The following SAMSN1 variants were observed in gnomAD, a reference collection of about 807,000 sequenced individuals.
The protein encoded by SAMSN1 is SAM domain, SH3 domain and nuclear localization signals 1.
Under a neutral mutation model 42.0 loss-of-function variants are expected in SAMSN1, and 31 were observed. That is an observed-to-expected ratio of 0.74 (90% CI 0.55 to 1.00). The LOEUF (loss-of-function observed/expected upper bound fraction) is 1.00, where lower values mean the gene tolerates loss of function less well. Ranked by LOEUF, SAMSN1 falls within the 50% of genes least tolerant of loss-of-function variation. The pLI, the probability that SAMSN1 is intolerant of heterozygous loss-of-function variation, is 0.00. For synonymous variants in SAMSN1, 178 were observed against 151.9 expected, an observed-to-expected ratio of 1.17 and a Z score of -1.26; for missense variants, 464 against 439.4, an observed-to-expected ratio of 1.06 and a Z score of -0.50.
At chr21:14,587,051 T>C (rs7281036), upstream of SAMSN1, among the ~76,000 whole-genome samples, 1 of 152,070 alleles carries the variant, frequency 6.6e-6, no homozygotes, top group African/African-American at 2.4e-5. Context: ...ATATGGAATA[T>C]CTAATCAGAG....
At chr21:14,578,187 CAA>C (rs1367565101) in intron 2 of SAMSN1, among the ~76,000 whole-genome samples, 2 of 152,012 alleles carry the variant, frequency 1.3e-5, no homozygotes, top group Non-Finnish European at 2.9e-5. Flanking sequence ...TTTTGGTATG[CAA>C]AGAGTTACTC....
At chr21:14,511,475 A>G (rs1987686392) in intron 4 of SAMSN1, among the ~76,000 whole-genome samples, 1 of 152,226 alleles carries the variant, frequency 6.6e-6, no homozygotes. Context: ...CATGCAAAAA[A>G]CATCCTTTAA....
At chr21:14,559,010 C>T (rs974918181) in intron 2 of SAMSN1, among the ~76,000 whole-genome samples, 11 of 152,146 alleles carry the variant, frequency 7.2e-5, no homozygotes, top group Admixed American at 6.5e-5. Flanking sequence ...AATATCTCCT[C>T]ACCCATTGAA....
At chr21:14,611,476 C>G (rs553347163) in intron 4 of SAMSN1, among the ~76,000 whole-genome samples, 3 of 152,272 alleles carry the variant, frequency 2.0e-5, no homozygotes, top group South Asian at 4.1e-4. Flanking sequence ...TGTGTTGTTT[C>G]TAAAGTCACT....
intron 2 of SAMSN1, among the ~76,000 whole-genome samples, chr21:14,640,318 T>A (rs1983563927): frequency 6.6e-6 from 1 of 152,176 alleles, no homozygotes; most frequent in Non-Finnish European, 1.5e-5. Flanking sequence ...GTATTGTCAG[T>A]TTGGTTCTAG....
At chr21:14,538,857 A>T (rs982181419) in intron 1 of SAMSN1, among the ~76,000 whole-genome samples, 3 of 148,238 alleles carry the variant, frequency 2.0e-5, no homozygotes, top group East Asian at 3.8e-4. Flanking sequence ...AAGAATGGTT[A>T]AAAAAAAGGC....
chr21:14,505,640 C>T (rs1405010445), intron 5 of SAMSN1, among the ~76,000 whole-genome samples: 2 of 152,168 alleles, frequency 1.3e-5, no homozygotes, highest in African/African-American at 4.8e-5. Context: ...GACAGCAACA[C>T]AGTAATAGTG....
chr21:14,496,820 A>G (rs1314971156), intron 7 of SAMSN1, among the ~76,000 whole-genome samples: 1 of 152,244 alleles, frequency 6.6e-6, no homozygotes. Context: ...CTGATGTCAA[A>G]TTAGTTATGC....
At chr21:14,513,523 G>C (rs901710225) in intron 3 of SAMSN1, among the ~76,000 whole-genome samples, 11 of 83,576 alleles carry the variant, frequency 1.3e-4, no homozygotes, top group Non-Finnish European at 2.8e-4. Context: ...GTGTGTGCGT[G>C]TGTGTGTGTC....
intron 3 of SAMSN1, among the ~76,000 whole-genome samples, chr21:14,613,622 T>C (rs1271474545): frequency 6.6e-6 from 1 of 152,186 alleles, no homozygotes; most frequent in Non-Finnish European, 1.5e-5. Context: ...ATTTTTTGTT[T>C]CCTTTTCATT....
At chr21:14,630,421 A>G (rs1310033052) in intron 2 of SAMSN1, among the ~76,000 whole-genome samples, 2 of 151,546 alleles carry the variant, frequency 1.3e-5, no homozygotes, top group African/African-American at 2.4e-5. Context: ...AGAGATAACC[A>G]TGGCTTTCAT....
chr21:14,627,351 A>G (rs1489777795), intron 2 of SAMSN1, among the ~76,000 whole-genome samples: 1 of 152,172 alleles, frequency 6.6e-6, no homozygotes, highest in Non-Finnish European at 1.5e-5. Flanking sequence ...AAATGCATAT[A>G]CCCCAATAAA....
upstream of SAMSN1, among the ~76,000 whole-genome samples, chr21:14,550,399 A>T (rs1294393525): frequency 1.3e-5 from 2 of 152,116 alleles, no homozygotes; most frequent in Admixed American, 1.3e-4. Context: ...GACCTGCTCC[A>T]GGAAGTGACA....
intron 2 of SAMSN1, among the ~76,000 whole-genome samples, chr21:14,554,925 G>A (rs1037228210): frequency 6.6e-6 from 1 of 151,784 alleles, no homozygotes; most frequent in Non-Finnish European, 1.5e-5. Flanking sequence ...TTGAACTCCT[G>A]GACTCAAGAA....
At chr21:14,519,501 T>C (rs955866608) in intron 2 of SAMSN1, among the ~76,000 whole-genome samples, 1 of 151,286 alleles carries the variant, frequency 6.6e-6, no homozygotes, top group African/African-American at 2.4e-5. Flanking sequence ...TCCATATATA[T>C]ACACACACAC....
At chr21:14,600,911 A>G (rs541219154) in intron 6 of SAMSN1, among the ~76,000 whole-genome samples, 92 of 152,336 alleles carry the variant, frequency 6.0e-4, no homozygotes, top group Non-Finnish European at 9.7e-4. Context: ...GGAAGAAAAG[A>G]GGAGGAGCAA....
chr21:14,511,339 A>T (rs1425565322), intron 4 of SAMSN1, among the ~76,000 whole-genome samples: 3 of 152,216 alleles, frequency 2.0e-5, no homozygotes, highest in African/African-American at 7.2e-5. Context: ...CCCTTCCATG[A>T]CAACTCCAGA....
intron 5 of SAMSN1, among the ~76,000 whole-genome samples, chr21:14,506,091 G>T (rs112480551): frequency 0.019 from 2,842 of 152,056 alleles, 89 homozygotes; most frequent in African/African-American, 0.059. Context: ...AGGGGAAAGT[G>T]CATAGCCCTA....
At chr21:14,555,738 T>A (rs1489012601) in intron 2 of SAMSN1, among the ~76,000 whole-genome samples, 4 of 152,202 alleles carry the variant, frequency 2.6e-5, no homozygotes, top group Non-Finnish European at 5.9e-5. Context: ...CTCAAGTTTT[T>A]ATTAAAAATC....
Sources: gnomAD v4.1 joint callset for allele counts (sites outside exome capture counted in the v4.1 genomes callset) on GRCh38, gnomAD v4.1.1 for gene constraint, MANE v1.5 for transcripts, NCBI Gene and HGNC (gene_info 2026-07-23, HGNC 2026-07-21) for gene names.